Variants in NKAIN3 observed in about 807,000 individuals in gnomAD.
NKAIN3 encodes sodium/potassium-transporting ATPase subunit beta-1-interacting protein 3.
NKAIN3 carries 25 observed loss-of-function variants against 30.2 expected under a neutral mutation model. The ratio of observed to expected loss-of-function variants is 0.83; its 90% CI spans 0.60 to 1.16. The LOEUF is 1.16. Among genes scored for constraint, NKAIN3 ranks in the 50% most tolerant of loss-of-function variants. NKAIN3 has a pLI of 0.00. For missense variants in NKAIN3, 225 were observed against 254.1 expected (o/e 0.89, Z 0.78); for synonymous variants, 91 against 89.6 (o/e 1.02, Z -0.09).
chr8:62,816,570 AGC>A (rs1291861743), intron 4 of NKAIN3, among the ~76,000 whole-genome samples: 1 of 152,112 alleles, frequency 6.6e-6, no homozygotes, highest in Non-Finnish European at 1.5e-5. Flanking sequence ...TACATACATT[AGC>A]TCCTTCTGCT....
At chr8:62,411,703 A>C (rs2129595911) in intron 1 of NKAIN3, among the ~76,000 whole-genome samples, 1 of 152,314 alleles carries the variant, frequency 6.6e-6, no homozygotes, top group East Asian at 1.9e-4. Context: ...CAATTTTACT[A>C]AGGATTCAGG....
At chr8:62,715,927 GC>G (rs1477868682) in intron 3 of NKAIN3, among the ~76,000 whole-genome samples, 1 of 152,186 alleles carries the variant, frequency 6.6e-6, no homozygotes, top group Non-Finnish European at 1.5e-5. Context: ...TTTCCTGTCT[GC>G]TATGAAGATG....
intron 4 of NKAIN3, among the ~76,000 whole-genome samples, chr8:62,887,562 A>G (rs2130821088): frequency 6.6e-6 from 1 of 152,056 alleles, no homozygotes; most frequent in Non-Finnish European, 1.5e-5. Context: ...TTTTTAAATA[A>G]CTGTTATTGT....
Position 62,855,449 on chromosome 8 carries a change from G to A in NKAIN3, c.472-63004G>A, listed in dbSNP as rs772667949. On this transcript the variant is annotated intron_variant, in intron 4 of 6. Coordinates refer to ENST00000623646, the MANE Select transcript of NKAIN3 (RefSeq NM_001304533.3). ...CTCCTCTTCTGAATACTTCATCTTG[G>A]GTCTTTTGCTTCCAAAATCTTCATT... is the stretch of plus-strand genomic sequence containing the variant. The A allele has an allele frequency of 1.6e-5, 19 of 1,195,626 alleles. No individual in the cohort carries two copies. In the African/African-American group the frequency reaches 2.6e-4, roughly 16 times the overall value. The allele number at this position is 1,195,626 out of a possible 1,614,324, so 74.1% of individuals were successfully genotyped here.
At chr8:62,770,899 C>T (rs114200535) in intron 4 of NKAIN3, among the ~76,000 whole-genome samples, 4,016 of 151,112 alleles carry the variant, frequency 0.027, 186 homozygotes, top group African/African-American at 0.092. Flanking sequence ...GGCTGGTGGG[C>T]GGGGGGTGGA....
chr8:62,751,840 G>GTGTGTGTGTGTA (rs59129758), intron 4 of NKAIN3, among the ~76,000 whole-genome samples: 1 of 149,514 alleles, frequency 6.7e-6, no homozygotes, highest in Non-Finnish European at 1.5e-5. Context: ...GTGTGTGTGT[G>GTGTGTGTGTGTA]TATGTGTTAC....
At chr8:62,357,304 A>G (rs1409093268) in intron 1 of NKAIN3, among the ~76,000 whole-genome samples, 1 of 151,600 alleles carries the variant, frequency 6.6e-6, no homozygotes, top group Non-Finnish European at 1.5e-5. Flanking sequence ...ATGTAATCGT[A>G]GCTACTTGGC....
chr8:62,882,245 TTTAA>T (rs1821005781), intron 4 of NKAIN3, among the ~76,000 whole-genome samples: 1 of 152,190 alleles, frequency 6.6e-6, no homozygotes, highest in African/African-American at 2.4e-5. Context: ...ACTTTTTAAT[TTTAA>T]TTAAGTTCAG....
intron 4 of NKAIN3, among the ~76,000 whole-genome samples, chr8:62,836,919 C>CA (rs200454622): frequency 4.2e-4 from 64 of 151,634 alleles, no homozygotes; most frequent in Non-Finnish European, 5.3e-4. Context: ...TTTTATTAAA[C>CA]AAAAAAAATG....
chr8:62,378,512 A>T (rs2129593802), intron 1 of NKAIN3, among the ~76,000 whole-genome samples: 1 of 152,296 alleles, frequency 6.6e-6, no homozygotes, highest in African/African-American at 2.4e-5. Context: ...TAGGAGGGAA[A>T]AATGATTTCC....
chr8:62,665,932 T>C (rs1813084277), intron 3 of NKAIN3, among the ~76,000 whole-genome samples: 1 of 152,124 alleles, frequency 6.6e-6, no homozygotes, highest in African/African-American at 2.4e-5. Flanking sequence ...TTATCAGAAT[T>C]CGGCTGGGCA....
intron 3 of NKAIN3, among the ~76,000 whole-genome samples, chr8:62,631,814 A>T (rs1378622283): frequency 6.6e-6 from 1 of 152,112 alleles, no homozygotes; most frequent in East Asian, 1.9e-4. Flanking sequence ...GCTCTCAGCC[A>T]CCCTACTGCC....
intron 3 of NKAIN3, among the ~76,000 whole-genome samples, chr8:62,674,007 TG>T (rs1813393546): frequency 6.6e-6 from 1 of 152,218 alleles, no homozygotes; most frequent in Non-Finnish European, 1.5e-5. Flanking sequence ...ATCAGTCTTT[TG>T]TTTGTTGGTG....
Position 62,600,688 on chromosome 8 carries a change from T to C in NKAIN3, c.273+10894T>C, listed in dbSNP as rs73259182. 2.2e-3 allele frequency among the ~76,000 whole-genome samples: 341 copies of C among 152,230 alleles called. 1 individual carries two copies. The highest frequency in any genetic ancestry group is 7.8e-3 in the African/African-American group (326 of 41,574). ...TGCTTTTTCTAACTTGTGGGCATTT[T>C]GATTCTTGGAGAAATTTAAGCCATT... On this transcript the variant is annotated intron_variant, in intron 3 of 6. Transcript: ENST00000623646.
At position 62,981,635 on chromosome 8, in the gene NKAIN3, G is replaced by A. The variant is rs1443210316; in HGVS notation, c.*16228G>A. The A allele has an allele frequency of 2.0e-5, 3 of 150,498 alleles. No individual in the cohort carries two copies. The highest frequency in any genetic ancestry group is 3.9e-4 in the East Asian group (2 of 5,102). 9.3% of individuals were successfully genotyped at this position (150,498 alleles called of 1,614,324 possible). A position where few individuals can be genotyped will look rare whatever the true frequency, so the allele number is the denominator to read the frequency against. On this transcript the variant is annotated 3_prime_UTR_variant, in exon 7 of 7. Coordinates refer to ENST00000623646, the MANE Select transcript of NKAIN3 (RefSeq NM_001304533.3). ...TGCCATTGCAGGTAGGAAAAAAAAA[G>A]ACAAAAATGGTATTCTCAGGTGAGC...
chr8:62,455,316 T>C (rs972790226), intron 1 of NKAIN3, among the ~76,000 whole-genome samples: 8 of 152,304 alleles, frequency 5.3e-5, no homozygotes, highest in Admixed American at 5.2e-4. Context: ...GTTCATGTAC[T>C]CCATGGACTA....
chr8:62,785,844 A>G (rs1817499701), intron 4 of NKAIN3, among the ~76,000 whole-genome samples: 1 of 152,150 alleles, frequency 6.6e-6, no homozygotes. Context: ...GGATAAATGG[A>G]AATCAGAATA....
At chr8:62,508,018 C>T (rs560185652) in intron 1 of NKAIN3, among the ~76,000 whole-genome samples, 14 of 152,266 alleles carry the variant, frequency 9.2e-5, no homozygotes, top group African/African-American at 2.9e-4. Flanking sequence ...GACAGATATC[C>T]GTCAAAGGTA....
chr8:62,392,729 A>C (rs530664619), intron 1 of NKAIN3, among the ~76,000 whole-genome samples: 2 of 152,208 alleles, frequency 1.3e-5, no homozygotes, highest in South Asian at 4.1e-4. Context: ...AGATGAACAG[A>C]GAAGCAACTA....
Sources: gnomAD v4.1 joint callset for allele counts (sites outside exome capture counted in the v4.1 genomes callset) on GRCh38, gnomAD v4.1.1 for gene constraint, MANE v1.5 for transcripts, NCBI Gene and HGNC (gene_info 2026-07-23, HGNC 2026-07-21) for gene names.